The following NTM variants were observed in gnomAD, a reference collection of about 807,000 sequenced individuals.
The protein encoded by NTM is IgLON family member 2.
NTM carries 13 observed loss-of-function variants against 42.1 expected under a neutral mutation model. The ratio of observed to expected loss-of-function variants is 0.31; its 90% CI spans 0.20 to 0.49. The LOEUF (loss-of-function observed/expected upper bound fraction) is 0.49, where lower values mean the gene tolerates loss of function less well. NTM is among the 20% of genes least tolerant of loss of function. The pLI is 0.99. For synonymous variants in NTM, 187 were observed against 179.2 expected (o/e 1.04, Z -0.35); for missense variants, 373 against 452.8 (o/e 0.82, Z 1.60).
In NTM at chr11:132,336,721, G is replaced by C. The variant is rs1216754989; in HGVS notation, c.*1575G>C. 1 of 152,196 alleles carries C rather than the reference G, an allele frequency of 6.6e-6. No individual in the cohort carries two copies. Among genetic ancestry groups the C allele is most frequent in the African/African-American group, 2.4e-5 (1 of 41,406 alleles). The allele number at this position is 152,196 out of a possible 1,614,324, so 9.4% of individuals were successfully genotyped here. On this transcript the variant is annotated 3_prime_UTR_variant, in exon 9 of 9. Transcript: ENST00000683400. The stretch of plus-strand genomic sequence containing the variant: ...AAGTCTGGGAACCTGAGAGTCCTCG[G>C]GGAGGGGTCCTGGATGTGATGAGGG...
intron 1 of NTM, among the ~76,000 whole-genome samples, chr11:131,704,918 A>G (rs1592635364): frequency 1.3e-5 from 2 of 152,304 alleles, no homozygotes; most frequent in South Asian, 4.1e-4. Flanking sequence ...GAAATTACCC[A>G]GGCAGAAGAA....
rs377739708 is a variant in NTM, at chr11:131,432,839, C to CTTTTTTTTTTTTTTTTTTTTTTTTTT, written c.82+61958_82+61983dup. ...CTACAAAAGATGAAGATTTAGCATT[C>CTTTTTTTTTTTTTTTTTTTTTTTTTT]TTTTTTTTTTTTTTTTTTTTTTTTT... On this transcript the variant is annotated intron_variant, in intron 1 of 8. Coordinates refer to ENST00000683400, the MANE Select transcript of NTM (RefSeq NM_001352005.2). 9.0e-4 allele frequency among the ~76,000 whole-genome samples: 62 copies of CTTTTTTTTTTTTTTTTTTTTTTTTTT among 68,706 alleles called. 3 individuals carry two copies. The highest frequency in any genetic ancestry group is 1.0e-3 in the Non-Finnish European group (40 of 38,814). The allele number at this position is 68,706 out of a possible 152,430, so 45.1% of individuals were successfully genotyped here.
At chr11:131,972,318 G>A (rs1462499110) in intron 2 of NTM, among the ~76,000 whole-genome samples, 1 of 151,978 alleles carries the variant, frequency 6.6e-6, no homozygotes, top group Non-Finnish European at 1.5e-5. Flanking sequence ...ACTTACAATA[G>A]TGTCTGGCCA....
chr11:131,392,667 C>G (rs1185638905), intron 1 of NTM, among the ~76,000 whole-genome samples: 1 of 152,178 alleles, frequency 6.6e-6, no homozygotes, highest in African/African-American at 2.4e-5. Flanking sequence ...GAAGCACTTT[C>G]CCTGCTCTCC....
intron 1 of NTM, among the ~76,000 whole-genome samples, chr11:131,755,303 G>A (rs761392918): frequency 1.2e-4 from 18 of 152,110 alleles, no homozygotes; most frequent in Non-Finnish European, 2.4e-4. Context: ...TTTCACTCTT[G>A]GCCTAGCAGG....
At chr11:131,761,269 A>T (rs2084128837) in intron 1 of NTM, among the ~76,000 whole-genome samples, 1 of 152,180 alleles carries the variant, frequency 6.6e-6, no homozygotes, top group Non-Finnish European at 1.5e-5. Context: ...CACATTTTAC[A>T]GGTGCGGTAA....
chr11:132,286,568 T>C (rs966819334), intron 4 of NTM, among the ~76,000 whole-genome samples: 1 of 152,032 alleles, frequency 6.6e-6, no homozygotes, highest in Non-Finnish European at 1.5e-5. Flanking sequence ...GGCCCACTTA[T>C]TTTTGCCTCA....
intron 4 of NTM, among the ~76,000 whole-genome samples, chr11:132,238,625 G>A (rs772113382): frequency 3.9e-5 from 6 of 152,168 alleles, no homozygotes; most frequent in African/African-American, 4.8e-5. Context: ...CATTTGCTGA[G>A]CTCATAGCAG....
In NTM at chr11:131,408,015, T is replaced by C. The variant is rs922856125; in HGVS notation, c.82+37127T>C. On this transcript the variant is annotated intron_variant, in intron 1 of 8. Transcript: ENST00000683400. ...CCAGCCAGGACTTCTTATTGAATTATGCAACAGTTAGTTATTTCATTTAGG... is the reference window on the plus strand; with the variant it reads ...CCAGCCAGGACTTCTTATTGAATTACGCAACAGTTAGTTATTTCATTTAGG... 2.6e-5 allele frequency among the ~76,000 whole-genome samples: 4 copies of C among 152,376 alleles called. No homozygotes were observed. The South Asian group carries it at 8.3e-4, about 32-fold the overall frequency.
chr11:131,649,486 A>G (rs2066195110), intron 1 of NTM, among the ~76,000 whole-genome samples: 1 of 152,218 alleles, frequency 6.6e-6, no homozygotes, highest in Non-Finnish European at 1.5e-5. Flanking sequence ...TGGGCTGATA[A>G]TTGCCTTAAT....
chr11:131,824,677 G>A (rs1052984318), intron 1 of NTM, among the ~76,000 whole-genome samples: 2 of 152,174 alleles, frequency 1.3e-5, no homozygotes, highest in Non-Finnish European at 2.9e-5. Context: ...AATGACTTGA[G>A]TGATACACAA....
At chr11:131,883,468 T>C (rs2049876645) in intron 1 of NTM, among the ~76,000 whole-genome samples, 1 of 151,614 alleles carries the variant, frequency 6.6e-6, no homozygotes, top group Non-Finnish European at 1.5e-5. Context: ...GTTATGGCCA[T>C]AGTCACAGAG....
At chr11:131,840,110 A>G (rs1474729057) in intron 1 of NTM, among the ~76,000 whole-genome samples, 1 of 152,164 alleles carries the variant, frequency 6.6e-6, no homozygotes, top group Non-Finnish European at 1.5e-5. Context: ...AGTTGAGAGT[A>G]GGCGATTGCA....
intron 4 of NTM, among the ~76,000 whole-genome samples, chr11:132,274,735 G>C (rs2093638219): frequency 6.6e-6 from 1 of 152,128 alleles, no homozygotes; most frequent in African/African-American, 2.4e-5. Flanking sequence ...TGTGTTCCAA[G>C]TGCACTTGAG....
At chr11:131,868,020 C>T (rs1422096822) in intron 1 of NTM, among the ~76,000 whole-genome samples, 1 of 152,118 alleles carries the variant, frequency 6.6e-6, no homozygotes, top group Non-Finnish European at 1.5e-5. Context: ...TTCTTCACTA[C>T]GAAGCCAGTA....
At chr11:132,179,565 G>A (rs565148102) in intron 3 of NTM, among the ~76,000 whole-genome samples, 39 of 152,288 alleles carry the variant, frequency 2.6e-4, no homozygotes, top group Non-Finnish European at 5.1e-4. Flanking sequence ...CCTGTGAAAT[G>A]AAAGAGAGTA....
intron 2 of NTM, among the ~76,000 whole-genome samples, chr11:132,099,017 G>T (rs1481819213): frequency 6.6e-6 from 1 of 152,250 alleles, no homozygotes; most frequent in Non-Finnish European, 1.5e-5. Flanking sequence ...CCAGAAGCTG[G>T]TCAGGAGCAC....
In NTM at chr11:131,606,895, C is replaced by T. The variant is rs550748835; in HGVS notation, c.82+236007C>T. Among the ~76,000 whole-genome samples the T allele has an allele frequency of 3.3e-5, 5 of 152,302 alleles. No homozygotes were observed. The South Asian group carries it at 1.0e-3, about 32-fold the overall frequency. On this transcript the variant is annotated intron_variant, in intron 1 of 8. Coordinates refer to ENST00000683400, the MANE Select transcript of NTM (RefSeq NM_001352005.2). The stretch of plus-strand genomic sequence containing the variant: ...ACCACATGTGGCTGGCTAAATAGAC[C>T]TCTAAATGTATCTTTATCATCAGTT...
At chr11:132,028,486 T>C (rs1357749944) in intron 2 of NTM, among the ~76,000 whole-genome samples, 1 of 152,188 alleles carries the variant, frequency 6.6e-6, no homozygotes, top group Non-Finnish European at 1.5e-5. Flanking sequence ...TCAAATACCA[T>C]CTGAGATACA....
Sources: allele counts gnomAD v4.1 joint callset (sites outside exome capture counted in the v4.1 genomes callset), GRCh38; gene constraint gnomAD v4.1.1; transcripts MANE v1.5; gene names NCBI Gene and HGNC (gene_info 2026-07-23, HGNC 2026-07-21).